The following ATP13A4 variants were observed in gnomAD, a reference collection of about 807,000 sequenced individuals.
ATP13A4 encodes the protein probable cation-transporting ATPase 13A4.
ATP13A4 carries 114 observed loss-of-function variants against 142.5 expected under a neutral mutation model. The observed-to-expected ratio is 0.80, with a 90% CI of 0.69 to 0.93. The LOEUF (loss-of-function observed/expected upper bound fraction) is 0.93. Among genes scored for constraint, ATP13A4 ranks in the 40% least tolerant of loss-of-function variants. ATP13A4 has a pLI of 0.00. For synonymous variants in ATP13A4, 488 were observed against 514.8 expected (o/e 0.95, Z 0.70); for missense variants, 1,392 against 1,454.0 (o/e 0.96, Z 0.69).
intron 9 of ATP13A4, among the ~76,000 whole-genome samples, chr3:193,467,944 C>T (rs976296847): frequency 2.0e-4 from 31 of 151,840 alleles, no homozygotes; most frequent in Admixed American, 2.0e-3. Flanking sequence ...TTTGGGAGGC[C>T]GAGGTAGGCA....
At chr3:193,566,411 C>T (rs1416210742) in intron 2 of ATP13A4, among the ~76,000 whole-genome samples, 1 of 152,116 alleles carries the variant, frequency 6.6e-6, no homozygotes. Flanking sequence ...ACTCAGTGTA[C>T]CAGTGACCTA....
upstream of ATP13A4, among the ~76,000 whole-genome samples, chr3:193,556,169 A>G (rs113914127): frequency 3.1e-3 from 478 of 152,276 alleles, 2 homozygotes; most frequent in African/African-American, 0.011. Flanking sequence ...CACATGTAAC[A>G]TAAAGATGAT....
intron 1 of ATP13A4, 86 bp downstream of exon 1, chr3:193,554,646 ATGCGTGCG>A: frequency 7.2e-7 from 1 of 1,379,982 alleles, no homozygotes; most frequent in Non-Finnish European, 1.0e-6. Flanking sequence ...TGTGTGTGTG[ATGCGTGCG>A]TGTGTGTGTG....
chr3:193,476,968 G>A (rs1045950345), intron 8 of ATP13A4, among the ~76,000 whole-genome samples: 4 of 152,012 alleles, frequency 2.6e-5, no homozygotes, highest in Non-Finnish European at 4.4e-5. Flanking sequence ...TTATCAACAC[G>A]TGACACAGAG....
At chr3:193,537,474 G>GA (rs973621286) in intron 1 of ATP13A4, among the ~76,000 whole-genome samples, 1 of 152,022 alleles carries the variant, frequency 6.6e-6, no homozygotes, top group African/African-American at 2.4e-5. Context: ...AAAACTTTAA[G>GA]AAAAAATGTT....
intron 2 of ATP13A4, among the ~76,000 whole-genome samples, chr3:193,508,956 G>A (rs1720995807): frequency 1.3e-5 from 2 of 149,822 alleles, no homozygotes; most frequent in Non-Finnish European, 3.0e-5. Context: ...CACAATCACT[G>A]TCTTCAAAAA....
chr3:193,554,037 A>G (rs987452898), intron 1 of ATP13A4, among the ~76,000 whole-genome samples: 1 of 152,214 alleles, frequency 6.6e-6, no homozygotes, highest in African/African-American at 2.4e-5. Flanking sequence ...TCTCTTGATT[A>G]TATTGTAATT....
intron 2 of ATP13A4, among the ~76,000 whole-genome samples, chr3:193,574,781 G>A (rs1429834661): frequency 1.3e-5 from 2 of 152,172 alleles, no homozygotes; most frequent in African/African-American, 2.4e-5. Flanking sequence ...GACAAAACGT[G>A]TGTGTTGAAA....
rs75206839 is a variant in ATP13A4, at chr3:193,450,715, A to G, written c.2028-2385T>C. Among the ~76,000 whole-genome samples the G allele has an allele frequency of 9.3e-3, 1,410 of 152,262 alleles. 25 individuals are homozygous for G. The highest frequency in any genetic ancestry group is 0.033 in the African/African-American group (1,361 of 41,546). ...ATGAACCTCTATGGCAGACGCACCT[A>G]AATGTATGTTCCAAGCTAGGAAATC... On this transcript the variant is annotated intron_variant, in intron 17 of 29. Coordinates refer to ENST00000342695, the MANE Select transcript of ATP13A4 (RefSeq NM_032279.4).
intron 2 of ATP13A4, among the ~76,000 whole-genome samples, chr3:193,514,491 A>T (rs1721302385): frequency 6.6e-6 from 1 of 150,536 alleles, no homozygotes; most frequent in African/African-American, 2.4e-5. Context: ...ACTGATGGGC[A>T]TTTAGGTTTG....
chr3:193,438,068 G>A (rs939939630), intron 23 of ATP13A4, among the ~76,000 whole-genome samples: 2 of 152,002 alleles, frequency 1.3e-5, no homozygotes, highest in East Asian at 1.9e-4. Context: ...TCCTGACCTC[G>A]TGATCTGCCC....
intron 28 of ATP13A4, among the ~76,000 whole-genome samples, chr3:193,408,171 T>C (rs1714597298): frequency 6.6e-6 from 1 of 152,248 alleles, no homozygotes; most frequent in Admixed American, 6.5e-5. Context: ...CCTCATACGT[T>C]AGTGGGAGTA....
chr3:193,400,005 T>C lies in ATP13A4; in HGVS notation c.*2647A>G, dbSNP rs1334085080. Among the ~76,000 whole-genome samples the C allele has an allele frequency of 1.3e-5, 2 of 152,338 alleles. No individual in the cohort carries two copies. Among genetic ancestry groups the C allele is most frequent in the East Asian group, 3.9e-4 (2 of 5,184 alleles). ...ATAGCCACTTGTTCCTCCAATGTCC[T>C]AGAGTACATTCCACTGCTATCAGTG... On this transcript the variant is annotated 3_prime_UTR_variant, in exon 30 of 30. Transcript: ENST00000342695.
In ATP13A4 at chr3:193,400,958, A is replaced by C. The variant is rs1314776754; in HGVS notation, c.*1694T>G. ...AACATTTCTTTCTGTACCAAAAAAGACAGTGATTCTGCAGTCTTGAAACAC... is the reference window on the plus strand; with the variant it reads ...AACATTTCTTTCTGTACCAAAAAAGCCAGTGATTCTGCAGTCTTGAAACAC... On this transcript the variant is annotated 3_prime_UTR_variant, in exon 30 of 30. Coordinates refer to ENST00000342695, the MANE Select transcript of ATP13A4 (RefSeq NM_032279.4). Among the ~76,000 whole-genome samples, 3 of 152,220 alleles carry C rather than the reference A, an allele frequency of 2.0e-5. No individual in the cohort carries two copies. Among genetic ancestry groups the C allele is most frequent in the African/African-American group, 7.2e-5 (3 of 41,464 alleles).
chr3:193,420,266 T>C (rs1255104983), intron 25 of ATP13A4, among the ~76,000 whole-genome samples: 2 of 149,416 alleles, frequency 1.3e-5, no homozygotes, highest in African/African-American at 4.9e-5. Context: ...TCAGTCATTA[T>C]TGGCATTGAT....
upstream of ATP13A4, among the ~76,000 whole-genome samples, chr3:193,558,844 A>G (rs1723956755): frequency 6.6e-6 from 1 of 152,144 alleles, no homozygotes; most frequent in South Asian, 2.1e-4. Flanking sequence ...CCCTGAACTC[A>G]TTTTTTCTCA....
At chr3:193,545,662 C>T (rs190476192) in intron 1 of ATP13A4, among the ~76,000 whole-genome samples, 6 of 152,292 alleles carry the variant, frequency 3.9e-5, no homozygotes, top group Admixed American at 1.3e-4. Context: ...CTGGATCCAT[C>T]GGCAAATGAC....
At position 193,425,335 on chromosome 3, in the gene ATP13A4, T is replaced by C. The variant is rs114812379; in HGVS notation, c.2842+8510A>G. Among the ~76,000 whole-genome samples, 1,404 of 151,908 alleles carry C rather than the reference T, an allele frequency of 9.2e-3. 23 individuals carry two copies. The highest frequency in any genetic ancestry group is 0.031 in the African/African-American group (1,291 of 41,518). ...TTAAAAATTAAAAATGGAACTACCA[T>C]ATGATCTAGCAATCCCACTACTGGG... On this transcript the variant is annotated intron_variant, in intron 25 of 29. Transcript: ENST00000342695.
chr3:193,562,314 T>A (rs1047304053), intron 2 of ATP13A4, among the ~76,000 whole-genome samples: 1 of 152,244 alleles, frequency 6.6e-6, no homozygotes, highest in Non-Finnish European at 1.5e-5. Flanking sequence ...AAAGTAGATC[T>A]ATTGTCATAG....
Sources: gnomAD v4.1 joint callset for allele counts (sites outside exome capture counted in the v4.1 genomes callset) on GRCh38, gnomAD v4.1.1 for gene constraint, MANE v1.5 for transcripts, NCBI Gene and HGNC (gene_info 2026-07-23, HGNC 2026-07-21) for gene names.